Variants in RP1 observed in about 807,000 individuals in gnomAD.
RP1 encodes the protein oxygen-regulated protein 1.
In RP1, 16 loss-of-function variants were observed where a neutral mutation model predicts 14.8. The ratio of observed to expected loss-of-function variants is 1.08; its 90% confidence interval spans 0.73 to 1.65. RP1 has a LOEUF of 1.65. Ranked by LOEUF, RP1 falls within the 40% of genes most tolerant of loss-of-function variation. The pLI, the probability that RP1 is intolerant of heterozygous loss-of-function variation, is 0.00. For missense variants in RP1, 2,631 were observed against 2,535.0 expected (o/e 1.04, Z -0.81); for synonymous variants, 876 against 883.6 (o/e 0.99, Z 0.15).
chr8:54,663,376 A>G (rs1253242433), intron 6 of RP1, among the ~76,000 whole-genome samples: 1 of 152,202 alleles, frequency 6.6e-6, no homozygotes, highest in Non-Finnish European at 1.5e-5. Context: ...GAAAGAAAAA[A>G]AAAGTATGTC....
intron 25 of RP1, among the ~76,000 whole-genome samples, chr8:54,849,020 A>T (rs1811996719): frequency 1.3e-5 from 2 of 152,102 alleles, no homozygotes; most frequent in African/African-American, 4.8e-5. Context: ...AAGTCCCGGG[A>T]TTACGGGTGT....
At chr8:54,633,735 CTCTA>C (rs1446652034), downstream of RP1, among the ~76,000 whole-genome samples, 94 of 126,474 alleles carry the variant, frequency 7.4e-4, 2 homozygotes, top group African/African-American at 1.2e-3. Flanking sequence ...CTCTCTCTCT[CTCTA>C]TATATATATA....
intron 22 of RP1, among the ~76,000 whole-genome samples, chr8:54,763,683 A>AAAAC (rs913453388): frequency 2.0e-5 from 3 of 152,148 alleles, no homozygotes; most frequent in African/African-American, 7.2e-5. Context: ...CTCCATCTCA[A>AAAAC]AAACAAACAA....
chr8:54,712,423 A>G (rs1808314007), intron 15 of RP1, among the ~76,000 whole-genome samples: 1 of 152,112 alleles, frequency 6.6e-6, no homozygotes, highest in South Asian at 2.1e-4. Context: ...CTAGCTCTTC[A>G]CTGGGATTGG....
At chr8:54,784,580 T>C (rs959353519) in intron 24 of RP1, among the ~76,000 whole-genome samples, 2 of 152,140 alleles carry the variant, frequency 1.3e-5, no homozygotes, top group Non-Finnish European at 2.9e-5. Context: ...TATTTTCCTA[T>C]GACAAACTCT....
chr8:54,580,983 A>AT (rs1282990928), intron 1 of RP1, among the ~76,000 whole-genome samples: 2 of 145,992 alleles, frequency 1.4e-5, no homozygotes, highest in African/African-American at 4.9e-5. Context: ...CAGGACTCAA[A>AT]TTCTTTTTAT....
intron 22 of RP1, among the ~76,000 whole-genome samples, chr8:54,766,564 A>G (rs1291719401): frequency 6.6e-6 from 1 of 152,222 alleles, no homozygotes; most frequent in Non-Finnish European, 1.5e-5. Context: ...GGGTGGAGAC[A>G]TAGAATCTTC....
In RP1 at chr8:54,712,890, T is replaced by TTGAAAACAGAA. The variant is rs1808323623; in HGVS notation, c.2211+6245_2211+6255dup. On this transcript the variant is annotated intron_variant, in intron 15 of 22. Transcript: ENST00000636932. Reference sequence around the variant, plus strand: ...CCACTAGACTGGAATGACATTACCCTTGAAAACAGAATGAAAACAGTCCTC... The same window carrying TTGAAAACAGAA: ...CCACTAGACTGGAATGACATTACCCTTGAAAACAGAATGAAAACAGAATGAAAACAGTCCTC... 2.6e-5 allele frequency among the ~76,000 whole-genome samples: 4 copies of TTGAAAACAGAA among 152,336 alleles called. No homozygotes were observed. The South Asian group carries it at 8.3e-4, about 32-fold the overall frequency.
chr8:54,621,703 G>A, intron 2 of RP1, 122 bp downstream of exon 2: 2 of 1,378,448 alleles, frequency 1.5e-6, no homozygotes, highest in South Asian at 2.4e-5. Flanking sequence ...GCCTGTGTAT[G>A]TGAGTGTGTG....
rs1805392664 is a variant in RP1, at chr8:54,604,996, G to T, written c.-12-15959G>T. ...GATCTTTTCAAAAAACCAGCTCCTG[G>T]ATTCATTGATTTTTTGAAGGGTTTT... On this transcript the variant is annotated intron_variant, in intron 1 of 22. Transcript: ENST00000636932. 2.6e-5 allele frequency among the ~76,000 whole-genome samples: 4 copies of T among 152,116 alleles called. No individual in the cohort carries two copies. In the South Asian group the frequency reaches 8.3e-4, roughly 32 times the overall value.
At chr8:54,715,601 C>T (rs896847735) in intron 15 of RP1, among the ~76,000 whole-genome samples, 2 of 152,086 alleles carry the variant, frequency 1.3e-5, no homozygotes, top group Admixed American at 1.3e-4. Context: ...GGTGTTTCTG[C>T]GAAGGCTCAG....
intron 1 of RP1, among the ~76,000 whole-genome samples, chr8:54,578,219 T>G (rs192563274): frequency 1.5e-4 from 23 of 152,280 alleles, no homozygotes; most frequent in African/African-American, 5.5e-4. Flanking sequence ...AATTTTTATT[T>G]TTTTAGGGAC....
At chr8:54,844,966 C>A (rs1028877414) in intron 25 of RP1, among the ~76,000 whole-genome samples, 1 of 152,116 alleles carries the variant, frequency 6.6e-6, no homozygotes, top group African/African-American at 2.4e-5. Context: ...AAGGGCTCAC[C>A]ATACTAGGTC....
Position 54,726,573 on chromosome 8 carries a change from A to G in RP1, c.2521+97A>G, listed in dbSNP as rs188774025. ...AAGACTATTAAATTATTTTTACAGC[A>G]TATATTATGTTATACCACATGGACT... On this transcript the variant is annotated intron_variant, in intron 17 of 22. Coordinates refer to the RP1 transcript ENST00000636932. The G allele has an allele frequency of 4.8e-4, 644 of 1,340,042 alleles. 6 individuals are homozygous for G. The South Asian group carries it at 8.5e-3, about 18-fold the overall frequency. 83.0% of individuals were successfully genotyped at this position (1,340,042 alleles called of 1,614,324 possible). A position where few individuals can be genotyped will look rare whatever the true frequency, so the allele number is the denominator to read the frequency against.
intron 24 of RP1, among the ~76,000 whole-genome samples, chr8:54,795,323 C>T (rs570958898): frequency 2.0e-5 from 3 of 152,166 alleles, no homozygotes; most frequent in South Asian, 2.1e-4. Flanking sequence ...GACATAGGAA[C>T]ACCTTATCTC....
intron 23 of RP1, among the ~76,000 whole-genome samples, chr8:54,782,566 A>G (rs974090517): frequency 1.3e-5 from 2 of 152,108 alleles, no homozygotes; most frequent in Non-Finnish European, 2.9e-5. Flanking sequence ...TCTTCAGATT[A>G]CCCCTGCACT....
intron 24 of RP1, among the ~76,000 whole-genome samples, chr8:54,807,617 TCTAC>T (rs1810884599): frequency 6.6e-6 from 1 of 151,982 alleles, no homozygotes; most frequent in African/African-American, 2.4e-5. Flanking sequence ...TGCATCTCTA[TCTAC>T]CTGTCTGTCT....
intron 7 of RP1, among the ~76,000 whole-genome samples, chr8:54,668,836 T>C (rs1417127090): frequency 1.3e-5 from 2 of 152,196 alleles, no homozygotes; most frequent in Non-Finnish European, 2.9e-5. Context: ...TGTAGAAAGC[T>C]GAAACTGGAT....
chr8:54,720,231 C>T lies in RP1; in HGVS notation c.2314C>T (p.Gln772Ter). ...GAGCCCAGGATTGTTTGTTGGACTT[C>T]AGTCAGATGGGCAGGCAAAACCAAT... Residue 772 changes from glutamine to a stop codon, truncating the protein, a stop_gained, in exon 16 of 23, where the codon CAG becomes TAG. Transcript: ENST00000636932. LOFTEE classifies it high-confidence loss of function. 1 of 1,535,962 alleles carries T rather than the reference C, an allele frequency of 6.5e-7. No individual in the cohort carries two copies. The highest frequency in any genetic ancestry group is 1.2e-5 in the South Asian group (1 of 84,056).
Sources: gnomAD v4.1 joint callset for allele counts (sites outside exome capture counted in the v4.1 genomes callset) on GRCh38, gnomAD v4.1.1 for gene constraint, MANE v1.5 for transcripts, NCBI Gene and HGNC (gene_info 2026-07-23, HGNC 2026-07-21) for gene names.